AGBL4: variants seen among roughly 807,000 people sequenced by gnomAD.
AGBL4 encodes AGBL carboxypeptidase 4.
AGBL4 carries 58 observed loss-of-function variants against 66.4 expected under a neutral mutation model. That is an observed-to-expected ratio of 0.87 (90% CI 0.71 to 1.09). AGBL4 has a LOEUF of 1.09. Ranked by LOEUF, AGBL4 falls within the 50% of genes least tolerant of loss-of-function variation. The probability of loss-of-function intolerance (pLI) is 0.00; values close to 1 mark genes in which losing one functional copy is unlikely to be tolerated. For synonymous variants in AGBL4, 234 were observed against 222.9 expected, an observed-to-expected ratio of 1.05 and a Z score of -0.44; for missense variants, 579 against 631.0, an observed-to-expected ratio of 0.92 and a Z score of 0.88.
chr1:49,136,361 C>T (rs1015086440), intron 4 of AGBL4, among the ~76,000 whole-genome samples: 1 of 152,122 alleles, frequency 6.6e-6, no homozygotes, highest in Non-Finnish European at 1.5e-5. Flanking sequence ...GGAATGTGTT[C>T]AAGAGATTAA....
chr1:48,990,408 A>G (rs1218391263), intron 5 of AGBL4, among the ~76,000 whole-genome samples: 2 of 152,028 alleles, frequency 1.3e-5, no homozygotes, highest in Non-Finnish European at 2.9e-5. Context: ...CCATCTGTCC[A>G]GTTTTGCTTT....
At chr1:48,866,997 C>T (rs1023233126) in intron 6 of AGBL4, among the ~76,000 whole-genome samples, 194 bp downstream of exon 6, 7 of 152,120 alleles carry the variant, frequency 4.6e-5, no homozygotes, top group Non-Finnish European at 7.3e-5. Context: ...GGAGGCAGCA[C>T]AGGGCTGGCA....
intron 6 of AGBL4, among the ~76,000 whole-genome samples, chr1:48,804,985 C>T (rs1645891112): frequency 1.3e-5 from 2 of 152,124 alleles, no homozygotes; most frequent in Admixed American, 1.3e-4. Context: ...AGAAGAGTCC[C>T]TTCCCCTTGA....
chr1:49,953,640 T>C (rs749643690), intron 1 of AGBL4, among the ~76,000 whole-genome samples: 1 of 151,774 alleles, frequency 6.6e-6, no homozygotes, highest in African/African-American at 2.4e-5. Context: ...AAATACTCAA[T>C]GGAACATTTC....
chr1:48,674,297 T>C (rs1646327452), intron 6 of AGBL4, among the ~76,000 whole-genome samples: 1 of 152,152 alleles, frequency 6.6e-6, no homozygotes, highest in Non-Finnish European at 1.5e-5. Flanking sequence ...CTATCGGTTA[T>C]TGAGTGATGT....
intron 6 of AGBL4, among the ~76,000 whole-genome samples, chr1:48,829,363 C>T (rs949636682): frequency 1.3e-5 from 2 of 152,228 alleles, no homozygotes; most frequent in African/African-American, 4.8e-5. Context: ...TAATGCCTCT[C>T]TATAGAGCAG....
At chr1:49,800,441 T>C (rs1451168723) in intron 2 of AGBL4, among the ~76,000 whole-genome samples, 13 of 143,318 alleles carry the variant, frequency 9.1e-5, no homozygotes, top group Admixed American at 2.1e-4. Flanking sequence ...TGTATACATG[T>C]GCCATGCTGG....
At chr1:48,645,949 T>C (rs1049104878) in intron 8 of AGBL4, among the ~76,000 whole-genome samples, 1 of 151,894 alleles carries the variant, frequency 6.6e-6, no homozygotes, top group Non-Finnish European at 1.5e-5. Flanking sequence ...AGTGGTGGGA[T>C]TGAGTGGGGA....
chr1:49,549,630 T>C (rs751259326), intron 3 of AGBL4, among the ~76,000 whole-genome samples: 17 of 152,200 alleles, frequency 1.1e-4, no homozygotes, highest in Non-Finnish European at 2.5e-4. Flanking sequence ...TTTATTCCAC[T>C]GTGATTTGAG....
At chr1:49,049,492 G>T (rs969752480) in intron 4 of AGBL4, among the ~76,000 whole-genome samples, 2 of 151,862 alleles carry the variant, frequency 1.3e-5, no homozygotes, top group African/African-American at 4.8e-5. Flanking sequence ...CAAAGAGTAG[G>T]CTTCTTGAAA....
At chr1:49,240,131 C>T (rs763501154) in intron 4 of AGBL4, among the ~76,000 whole-genome samples, 4 of 151,904 alleles carry the variant, frequency 2.6e-5, no homozygotes, top group African/African-American at 4.8e-5. Context: ...TTGACAGGAG[C>T]GAGGCTAAAC....
chr1:48,918,664 C>T (rs946528126), intron 5 of AGBL4, among the ~76,000 whole-genome samples: 5 of 152,142 alleles, frequency 3.3e-5, no homozygotes, highest in South Asian at 4.2e-4. Flanking sequence ...GGCCTCTCAC[C>T]GAAACCTGAC....
intron 3 of AGBL4, among the ~76,000 whole-genome samples, chr1:49,257,153 T>G (rs1232011793): frequency 6.6e-6 from 1 of 150,852 alleles, no homozygotes; most frequent in Non-Finnish European, 1.5e-5. Flanking sequence ...AAAATGAAAA[T>G]GAAAGTCAAT....
chr1:49,933,443 C>T (rs959244806), intron 1 of AGBL4, among the ~76,000 whole-genome samples: 1 of 151,788 alleles, frequency 6.6e-6, no homozygotes, highest in African/African-American at 2.4e-5. Flanking sequence ...TAAACAGCAA[C>T]ACAAAAGCAT....
rs980772299 is a variant in AGBL4, at chr1:49,110,154, C to A, written c.378-64354G>T. 5.5e-4 allele frequency among the ~76,000 whole-genome samples: 84 copies of A among 152,164 alleles called. 1 individual carries two copies. The highest frequency in any genetic ancestry group is 2.1e-4 in the Non-Finnish European group (14 of 68,038). On this transcript the variant is annotated intron_variant, in intron 4 of 13. Coordinates refer to ENST00000371839, the MANE Select transcript of AGBL4 (RefSeq NM_032785.4). Reference sequence around the variant, plus strand: ...TCAGTCCCCTTCCTGTTTTCTCCTCCCTTCAATGTCCACATTTATAATTAT... The same window carrying A: ...TCAGTCCCCTTCCTGTTTTCTCCTCACTTCAATGTCCACATTTATAATTAT...
chr1:49,337,344 A>G (rs1314304738), intron 3 of AGBL4, among the ~76,000 whole-genome samples: 5 of 152,188 alleles, frequency 3.3e-5, no homozygotes, highest in Non-Finnish European at 5.9e-5. Flanking sequence ...GTCAAATAAA[A>G]TATGTTTTAA....
chr1:49,722,199 T>C (rs1648661511), intron 2 of AGBL4, among the ~76,000 whole-genome samples: 1 of 152,188 alleles, frequency 6.6e-6, no homozygotes. Context: ...GAAAGGAACT[T>C]GAATCCCCAA....
chr1:48,545,171 T>C (rs1569713685), intron 11 of AGBL4, among the ~76,000 whole-genome samples: 1 of 152,276 alleles, frequency 6.6e-6, no homozygotes, highest in African/African-American at 2.4e-5. Context: ...CTGTAGGAGG[T>C]AGCCTTGTAA....
intron 3 of AGBL4, among the ~76,000 whole-genome samples, chr1:49,294,316 C>A (rs553169153): frequency 2.6e-5 from 4 of 152,152 alleles, no homozygotes; most frequent in South Asian, 2.1e-4. Flanking sequence ...TCCCTCTGGG[C>A]AAATGAAACT....
Sources: gnomAD v4.1 joint callset for allele counts (sites outside exome capture counted in the v4.1 genomes callset) on GRCh38, gnomAD v4.1.1 for gene constraint, MANE v1.5 for transcripts, NCBI Gene and HGNC (gene_info 2026-07-23, HGNC 2026-07-21) for gene names.